Variants in MAGI1 observed in about 807,000 individuals in gnomAD.
The protein encoded by MAGI1 is membrane-associated guanylate kinase, WW and PDZ domain-containing protein 1.
MAGI1 carries 58 observed loss-of-function variants against 139.9 expected under a neutral mutation model. The observed-to-expected ratio is 0.41, with a 90% CI of 0.34 to 0.52. MAGI1 has a LOEUF of 0.52. MAGI1 is among the 20% of genes least tolerant of loss of function. The probability of loss-of-function intolerance (pLI) is 0.12; values close to 1 mark genes in which losing one functional copy is unlikely to be tolerated. For synonymous variants in MAGI1, 812 were observed against 737.9 expected (o/e 1.10, Z -1.63); for missense variants, 1,874 against 1,901.6 (o/e 0.99, Z 0.27).
intron 1 of MAGI1, among the ~76,000 whole-genome samples, chr3:65,640,792 T>C (rs1403534200): frequency 6.6e-6 from 1 of 152,180 alleles, no homozygotes; most frequent in Non-Finnish European, 1.5e-5. Context: ...AGATACCAAA[T>C]GCACCAATAA....
At chr3:65,440,065 A>G in intron 8 of MAGI1, 53 bp from the exon 9 acceptor site, 1 of 1,601,760 alleles carries the variant, frequency 6.2e-7, no homozygotes, top group Non-Finnish European at 8.5e-7. Flanking sequence ...CCCACCAGCA[A>G]AATGCCAATC....
intron 1 of MAGI1, among the ~76,000 whole-genome samples, chr3:65,792,757 C>T (rs1364799217): frequency 2.0e-5 from 3 of 152,078 alleles, no homozygotes; most frequent in Non-Finnish European, 4.4e-5. Context: ...CATTACACTA[C>T]TCAGAACCAC....
At chr3:65,828,740 G>A (rs904004900) in intron 1 of MAGI1, among the ~76,000 whole-genome samples, 4 of 152,170 alleles carry the variant, frequency 2.6e-5, no homozygotes, top group Admixed American at 6.5e-5. Context: ...CTTGAGATAC[G>A]GGGATTACTC....
intron 18 of MAGI1, chr3:65,371,980 G>A (rs1942048576): frequency 2.6e-6 from 1 of 379,502 alleles, no homozygotes; most frequent in Non-Finnish European, 5.2e-6. Flanking sequence ...ATCCATGAAG[G>A]TTGGAATCAA....
intron 2 of MAGI1, among the ~76,000 whole-genome samples, chr3:65,560,192 A>G (rs1165005861): frequency 6.6e-6 from 1 of 152,222 alleles, no homozygotes; most frequent in African/African-American, 2.4e-5. Flanking sequence ...TCCCTGGTAC[A>G]TATCAGTGTT....
At chr3:65,722,597 C>T (rs764043926) in intron 1 of MAGI1, among the ~76,000 whole-genome samples, 4 of 152,178 alleles carry the variant, frequency 2.6e-5, no homozygotes, top group Admixed American at 6.5e-5. Flanking sequence ...CACACCGCTG[C>T]GCTCCAGCCT....
intron 1 of MAGI1, among the ~76,000 whole-genome samples, chr3:65,683,656 G>GTA: frequency 2.0e-5 from 1 of 48,942 alleles, no homozygotes. Context: ...TGACTGAATA[G>GTA]GATATATATA....
intron 18 of MAGI1, among the ~76,000 whole-genome samples, chr3:65,367,421 CTT>C (rs1175393827): frequency 6.6e-6 from 1 of 151,968 alleles, no homozygotes; most frequent in African/African-American, 2.4e-5. Context: ...CTGTGAAACT[CTT>C]TTTTGGGTTG....
chr3:65,952,552 C>T (rs140979426), intron 1 of MAGI1, among the ~76,000 whole-genome samples: 2,675 of 152,256 alleles, frequency 0.018, 34 homozygotes, highest in Admixed American at 0.029. Context: ...CGGTGGCTCG[C>T]GCCTGTAATC....
At chr3:65,635,072 A>G (rs1162731146) in intron 1 of MAGI1, among the ~76,000 whole-genome samples, 2 of 149,644 alleles carry the variant, frequency 1.3e-5, no homozygotes, top group Non-Finnish European at 2.9e-5. Flanking sequence ...TCAAAGTAAA[A>G]AAGTAAAATA....
chr3:65,695,057 G>C (rs1392113672), intron 1 of MAGI1, among the ~76,000 whole-genome samples: 2 of 152,166 alleles, frequency 1.3e-5, no homozygotes, highest in Non-Finnish European at 2.9e-5. Flanking sequence ...ACGCAGGAAG[G>C]AAAGGGAAGA....
At position 65,428,748 on chromosome 3, in the gene MAGI1, C is replaced by T. The variant is rs1047845622; in HGVS notation, c.2167+772G>A. ...AAAAATAAATAAAAGCATGAAATAA[C>T]GTCTTGTGCTAAAAAGGTGATGATG... On this transcript the variant is annotated intron_variant, in intron 12 of 22. Coordinates refer to ENST00000402939, the MANE Select transcript of MAGI1 (RefSeq NM_001033057.2). Among the ~76,000 whole-genome samples, 10 of 152,182 alleles carry T rather than the reference C, an allele frequency of 6.6e-5. No individual in the cohort carries two copies. The East Asian group carries it at 1.5e-3, about 24-fold the overall frequency.
At chr3:65,782,332 G>A (rs950059646) in intron 1 of MAGI1, among the ~76,000 whole-genome samples, 1 of 152,012 alleles carries the variant, frequency 6.6e-6, no homozygotes, top group South Asian at 2.1e-4. Context: ...TGAAGATGGA[G>A]GAAAGGAATG....
At chr3:65,487,970 C>T (rs1328501638) in intron 3 of MAGI1, among the ~76,000 whole-genome samples, 1 of 152,202 alleles carries the variant, frequency 6.6e-6, no homozygotes, top group Non-Finnish European at 1.5e-5. Flanking sequence ...CTTGGTTTCT[C>T]AATCACAAGA....
At chr3:65,969,564 G>T (rs2064923811) in intron 1 of MAGI1, among the ~76,000 whole-genome samples, 1 of 152,126 alleles carries the variant, frequency 6.6e-6, no homozygotes, top group African/African-American at 2.4e-5. Flanking sequence ...CTAGCTTTTG[G>T]CTCAAATGTG....
chr3:65,591,556 G>A (rs1385977356), intron 2 of MAGI1, among the ~76,000 whole-genome samples: 2 of 152,098 alleles, frequency 1.3e-5, no homozygotes, highest in African/African-American at 4.8e-5. Flanking sequence ...CTTCAGTGAG[G>A]CTTTGTGAAT....
At chr3:65,553,384 T>C (rs1280068176) in intron 2 of MAGI1, among the ~76,000 whole-genome samples, 2 of 152,188 alleles carry the variant, frequency 1.3e-5, no homozygotes, top group Non-Finnish European at 2.9e-5. Context: ...TGCCCTAACA[T>C]TAAACAGAAT....
chr3:66,004,670 C>A (rs992613135), intron 1 of MAGI1, among the ~76,000 whole-genome samples: 1 of 152,200 alleles, frequency 6.6e-6, no homozygotes, highest in African/African-American at 2.4e-5. Flanking sequence ...GGCATGGGAG[C>A]TATTTTTTGC....
intron 1 of MAGI1, among the ~76,000 whole-genome samples, chr3:66,013,408 AAAAAAAAAAAAG>A (rs981848931): frequency 4.8e-5 from 7 of 145,810 alleles, no homozygotes; most frequent in South Asian, 4.3e-4. Context: ...GTCTCAAATA[AAAAAAAAAAAAG>A]AAAAAAAAAA....
Sources: gnomAD v4.1 joint callset for allele counts (sites outside exome capture counted in the v4.1 genomes callset) on GRCh38, gnomAD v4.1.1 for gene constraint, MANE v1.5 for transcripts, NCBI Gene and HGNC (gene_info 2026-07-23, HGNC 2026-07-21) for gene names.